Variants in ADGRG7 observed in about 807,000 individuals in gnomAD.
The protein encoded by ADGRG7 is adhesion G protein-coupled receptor G7, also known as G-protein coupled receptor 128.
Under a neutral mutation model 88.6 loss-of-function variants are expected in ADGRG7, and 82 were observed. That is an observed-to-expected ratio of 0.93 (90% CI 0.77 to 1.11). ADGRG7 has a LOEUF of 1.11. ADGRG7 is among the 50% of genes most tolerant of loss of function. ADGRG7 has a pLI of 0.00. For missense variants in ADGRG7, 945 were observed against 953.4 expected (o/e 0.99, Z 0.12); for synonymous variants, 381 against 345.2 (o/e 1.10, Z -1.15).
At chr3:100,642,341 A>G (rs1707654846) in intron 6 of ADGRG7, among the ~76,000 whole-genome samples, 1 of 152,240 alleles carries the variant, frequency 6.6e-6, no homozygotes, top group African/African-American at 2.4e-5. Context: ...AAAACATTTC[A>G]ATCAGAGGAT....
chr3:100,613,167 G>A (rs549860086), intron 1 of ADGRG7, among the ~76,000 whole-genome samples: 228 of 152,326 alleles, frequency 1.5e-3, no homozygotes, highest in Non-Finnish European at 2.8e-3. Context: ...TGGGATTACA[G>A]GCGTGAGCCA....
chr3:100,633,622 T>C (rs1428389626), intron 4 of ADGRG7, among the ~76,000 whole-genome samples: 1 of 152,148 alleles, frequency 6.6e-6, no homozygotes, highest in Admixed American at 6.5e-5. Flanking sequence ...CCTCCCAGGT[T>C]GAAGCAATCC....
At chr3:100,641,421 G>A (rs1707640068) in intron 6 of ADGRG7, among the ~76,000 whole-genome samples, 1 of 152,208 alleles carries the variant, frequency 6.6e-6, no homozygotes, top group South Asian at 2.1e-4. Flanking sequence ...CAATTACACT[G>A]AAGACGTAAC....
In ADGRG7 at chr3:100,629,711, G is replaced by A. The variant is rs1325591738; in HGVS notation, c.229G>A (p.Ala77Thr). The A allele has an allele frequency of 9.5e-6, 15 of 1,584,358 alleles. No individual in the cohort carries two copies. Among genetic ancestry groups the A allele is most frequent in the Non-Finnish European group, 1.3e-5 (15 of 1,153,510 alleles). Residue 77 changes from alanine (A) to threonine (T), a missense_variant and splice_region_variant, in exon 2 of 16, where the codon GCT (alanine) becomes ACT (threonine). Transcript: ENST00000273352. ...EEWKGLRCTI[A>T]NFCENSTYMG... Reference sequence around the variant, plus strand: ...GTGGAAAGGACTGAGATGTACAATTGGTAAATTACTTGGGATAATGCTAAA... The same window carrying A: ...GTGGAAAGGACTGAGATGTACAATTAGTAAATTACTTGGGATAATGCTAAA...
chr3:100,665,892 T>C (rs2094951082), intron 14 of ADGRG7, among the ~76,000 whole-genome samples: 2 of 152,176 alleles, frequency 1.3e-5, no homozygotes, highest in Non-Finnish European at 2.9e-5. Flanking sequence ...GATTTAATTG[T>C]TTAATAAGTA....
At chr3:100,686,279 T>A (rs2094982483) in intron 15 of ADGRG7, among the ~76,000 whole-genome samples, 2 of 152,288 alleles carry the variant, frequency 1.3e-5, no homozygotes, top group East Asian at 3.9e-4. Context: ...ATATTAGCCC[T>A]TTGTCAGATG....
At chr3:100,693,068 T>G (rs1038010615) in intron 15 of ADGRG7, among the ~76,000 whole-genome samples, 2 of 152,212 alleles carry the variant, frequency 1.3e-5, no homozygotes, top group South Asian at 4.1e-4. Context: ...GACCCACACA[T>G]TTTTTCTTTT....
chr3:100,619,530 T>C (rs942431698), intron 1 of ADGRG7, among the ~76,000 whole-genome samples: 5 of 152,006 alleles, frequency 3.3e-5, no homozygotes, highest in African/African-American at 9.7e-5. Flanking sequence ...ATTCAAAAGC[T>C]AGCAGAAGGC....
In ADGRG7 at chr3:100,655,168, A is replaced by G. The variant is rs1383711098; in HGVS notation, c.1713A>G (p.Ser571=). The G allele has an allele frequency of 1.2e-6, 2 of 1,605,064 alleles. No homozygotes were observed. ...CTCGGCATTTCATTCTTTTCATCTC[A>G]TTAATTGGATGGGGTAAGTGTTTGC... ...PLPRHFILFI[S]LIGWGVPAIV... The change falls in exon 12 of 16, where the codon TCA becomes TCG. Residue 571 remains serine (S), a synonymous_variant. Coordinates refer to ENST00000273352, the MANE Select transcript of ADGRG7 (RefSeq NM_032787.3).
At chr3:100,627,795 G>A (rs1383495911) in intron 1 of ADGRG7, among the ~76,000 whole-genome samples, 1 of 151,992 alleles carries the variant, frequency 6.6e-6, no homozygotes, top group Non-Finnish European at 1.5e-5. Context: ...ATTCTTCTGA[G>A]CCTCTTGGAT....
intron 8 of ADGRG7, 27 bp downstream of exon 8, chr3:100,643,660 A>G (rs1707686404): frequency 6.8e-7 from 1 of 1,468,946 alleles, no homozygotes; most frequent in Non-Finnish European, 9.5e-7. Context: ...GTGACATTTA[A>G]AAAAATGGAC....
intron 4 of ADGRG7, 114 bp from the exon 5 acceptor site, chr3:100,635,563 G>T (rs1436486668): frequency 6.6e-7 from 1 of 1,508,720 alleles, no homozygotes; most frequent in East Asian, 2.3e-5. Context: ...AGTGGACATG[G>T]TGTTCAGGAG....
intron 15 of ADGRG7, among the ~76,000 whole-genome samples, chr3:100,672,811 T>C (rs2094960401): frequency 6.6e-6 from 1 of 152,220 alleles, no homozygotes; most frequent in South Asian, 2.1e-4. Context: ...TCTATTGAGA[T>C]AATCATGTGG....
intron 8 of ADGRG7, among the ~76,000 whole-genome samples, chr3:100,645,224 T>C (rs765666681): frequency 6.6e-6 from 1 of 152,268 alleles, no homozygotes; most frequent in Non-Finnish European, 1.5e-5. Flanking sequence ...TCTCTTTGAC[T>C]GCTGCCACCA....
chr3:100,637,315 C>T lies in ADGRG7; in HGVS notation c.611C>T (p.Ala204Val). Residue 204 changes from alanine (A) to valine (V), a missense_variant, in exon 6 of 16, where the codon GCC (alanine) becomes GTC (valine). By Grantham distance (64) the Ala-to-Val change is moderately conservative. Transcript: ENST00000273352. ...RNASPEAKKV[A>V]IVTVSQLLDA... ...TCTCTTTGGCAGGCAAAGAAAGTTG[C>T]CATAGTAACAGTGAGTCAACTCCTA... 1 of 1,612,506 alleles carries T rather than the reference C, an allele frequency of 6.2e-7. No individual in the cohort carries two copies. The highest frequency in any genetic ancestry group is 8.5e-7 in the Non-Finnish European group (1 of 1,178,738).
At chr3:100,666,084 C>T (rs536886154) in intron 14 of ADGRG7, among the ~76,000 whole-genome samples, 131 of 148,686 alleles carry the variant, frequency 8.8e-4, no homozygotes, top group African/African-American at 3.2e-3. Context: ...TGGAGTCTTG[C>T]TCTGTCACCC....
intron 8 of ADGRG7, among the ~76,000 whole-genome samples, chr3:100,644,599 A>G (rs544310112): frequency 6.6e-6 from 1 of 152,160 alleles, no homozygotes; most frequent in African/African-American, 2.4e-5. Context: ...TACCTCACGA[A>G]TCACTGCAGC....
chr3:100,690,039 A>C (rs938877944), intron 15 of ADGRG7, among the ~76,000 whole-genome samples: 1 of 152,168 alleles, frequency 6.6e-6, no homozygotes, highest in Non-Finnish European at 1.5e-5. Flanking sequence ...GGTGTTTTCT[A>C]TAGTCCCATA....
At chr3:100,646,827 T>C in intron 10 of ADGRG7, 103 bp downstream of exon 10, 2 of 977,340 alleles carry the variant, frequency 2.0e-6, no homozygotes, top group Non-Finnish European at 3.1e-6. Flanking sequence ...TTTACATAGA[T>C]TCTCAACTCA....
Sources: gnomAD v4.1 joint callset for allele counts (sites outside exome capture counted in the v4.1 genomes callset) on GRCh38, gnomAD v4.1.1 for gene constraint, MANE v1.5 for transcripts, NCBI Gene and HGNC (gene_info 2026-07-23, HGNC 2026-07-21) for gene names.